GRK5: variants seen among roughly 807,000 people sequenced by gnomAD.
The protein encoded by GRK5 is g protein-coupled receptor kinase GRK5.
In GRK5, 40 loss-of-function variants were observed where a neutral mutation model predicts 78.4. The ratio of observed to expected loss-of-function variants is 0.51; its 90% confidence interval spans 0.40 to 0.66. The LOEUF (loss-of-function observed/expected upper bound fraction) is 0.66. GRK5 is among the 30% of genes least tolerant of loss of function. GRK5 has a pLI of 0.00. For missense variants in GRK5, 598 were observed against 759.9 expected, an observed-to-expected ratio of 0.79 and a Z score of 2.50; for synonymous variants, 289 against 296.8, an observed-to-expected ratio of 0.97 and a Z score of 0.27.
intron 1 of GRK5, among the ~76,000 whole-genome samples, chr10:119,214,214 A>T (rs1016402333): frequency 1.3e-5 from 2 of 152,192 alleles, no homozygotes; most frequent in African/African-American, 4.8e-5. Flanking sequence ...GCCTCAGGTG[A>T]TCTGCCTGCC....
Position 119,394,688 on chromosome 10 carries a change from G to GGT in GRK5, c.262-1999_262-1998dup, listed in dbSNP as rs151200405. ...CTGTGTCTGTGGGCACGTGTGTGTG[G>GGT]GTGTGTGTGGGTGTGTATCTGTGTG... is the stretch of plus-strand genomic sequence containing the variant. On this transcript the variant is annotated intron_variant, in intron 3 of 15. Transcript: ENST00000392870. 5.1e-3 allele frequency among the ~76,000 whole-genome samples: 21 copies of GGT among 4,128 alleles called. 4 individuals carry two copies. The highest frequency in any genetic ancestry group is 0.018 in the South Asian group (2 of 110). The allele number at this position is 4,128 out of a possible 152,430, so 2.7% of individuals were successfully genotyped here.
At chr10:119,373,665 G>A (rs896875195) in intron 2 of GRK5, among the ~76,000 whole-genome samples, 10 of 152,124 alleles carry the variant, frequency 6.6e-5, no homozygotes, top group African/African-American at 2.4e-4. Flanking sequence ...GGGGTGGGGG[G>A]AATGAGAATC....
chr10:119,400,713 T>A (rs932201241), intron 4 of GRK5, among the ~76,000 whole-genome samples: 2 of 152,032 alleles, frequency 1.3e-5, no homozygotes, highest in African/African-American at 4.8e-5. Context: ...GCCACTTGTA[T>A]TTTAGGACGA....
intron 15 of GRK5, 136 bp from the exon 16 acceptor site, chr10:119,454,833 C>CT: frequency 1.6e-6 from 1 of 627,836 alleles, no homozygotes; most frequent in African/African-American, 1.8e-5. Flanking sequence ...GCCCTTGTAC[C>CT]TGGCTCTGAG....
intron 1 of GRK5, among the ~76,000 whole-genome samples, chr10:119,283,593 A>G (rs969981499): frequency 3.9e-5 from 6 of 152,216 alleles, no homozygotes. Flanking sequence ...GCAAAAATGC[A>G]AGTACCCTTG....
chr10:119,348,415 G>A (rs998244352), intron 2 of GRK5, among the ~76,000 whole-genome samples: 8 of 152,198 alleles, frequency 5.3e-5, no homozygotes, highest in Non-Finnish European at 7.3e-5. Context: ...AAGTCAGTGC[G>A]TTAGAAACGA....
At chr10:119,224,686 T>G (rs1489460501) in intron 1 of GRK5, among the ~76,000 whole-genome samples, 1 of 152,208 alleles carries the variant, frequency 6.6e-6, no homozygotes, top group Non-Finnish European at 1.5e-5. Context: ...AGTGCTAGGA[T>G]TACAGGCGTG....
At chr10:119,273,194 T>C (rs1256767823) in intron 1 of GRK5, among the ~76,000 whole-genome samples, 2 of 152,298 alleles carry the variant, frequency 1.3e-5, no homozygotes, top group African/African-American at 4.8e-5. Context: ...GAATGTGGAT[T>C]TCCAGAAGGT....
chr10:119,354,705 T>G (rs938552212), intron 2 of GRK5, among the ~76,000 whole-genome samples: 1 of 152,184 alleles, frequency 6.6e-6, no homozygotes, highest in South Asian at 2.1e-4. Flanking sequence ...CTCCTCCATT[T>G]TTAAGGCTGA....
At chr10:119,352,509 G>A (rs1054176395) in intron 2 of GRK5, among the ~76,000 whole-genome samples, 1 of 152,178 alleles carries the variant, frequency 6.6e-6, no homozygotes, top group Non-Finnish European at 1.5e-5. Flanking sequence ...ACAGCAGATC[G>A]AACTGCTTCT....
Position 119,439,748 on chromosome 10 carries a change from A to G in GRK5, c.947A>G (p.Asn316Ser), listed in dbSNP as rs374620668. ...CCTTTCAGAGATCTGAAACCTGAAA[A>G]CATCCTGTTAGATGATTATGGTAAG... ...NTVYRDLKPENILLDDYGHIR... is the reference protein window; with the variant it reads ...NTVYRDLKPESILLDDYGHIR... Residue 316 changes from asparagine (N) to serine (S), a missense_variant, in exon 10 of 16, where the codon AAC becomes AGC. Asn to Ser is a conservative substitution (Grantham distance 46). Coordinates refer to ENST00000392870, the MANE Select transcript of GRK5 (RefSeq NM_005308.3). 1 of 1,613,912 alleles carries G rather than the reference A, an allele frequency of 6.2e-7. No individual in the cohort carries two copies. The highest frequency in any genetic ancestry group is 8.5e-7 in the Non-Finnish European group (1 of 1,179,992).
rs1337389174 is a variant in GRK5, at chr10:119,238,894, GA to G, written c.52+30928del. ...ATAAAGTTGATGGTTACTCTACCAT[GA>G]AAGAGCAGAAAAAGCTGAGCAGAAA... On this transcript the variant is annotated intron_variant, in intron 1 of 15. Coordinates refer to ENST00000392870, the MANE Select transcript of GRK5 (RefSeq NM_005308.3). This position sits in a 1 kb window ranked among gnomAD's most constrained non-coding sequence, Gnocchi z 4.7. Among the ~76,000 whole-genome samples the G allele has an allele frequency of 2.0e-5, 3 of 152,136 alleles. No individual in the cohort carries two copies. Among genetic ancestry groups the G allele is most frequent in the African/African-American group, 7.2e-5 (3 of 41,426 alleles).
At chr10:119,290,364 C>CAAAACAAAAA (rs1181428822) in intron 1 of GRK5, among the ~76,000 whole-genome samples, 4 of 115,334 alleles carry the variant, frequency 3.5e-5, no homozygotes, top group African/African-American at 1.4e-4. Flanking sequence ...AAAAAAAAAA[C>CAAAACAAAAA]AAAAAACAAC....
chr10:119,255,662 G>A (rs1227869469), intron 1 of GRK5, among the ~76,000 whole-genome samples: 1 of 152,244 alleles, frequency 6.6e-6, no homozygotes, highest in East Asian at 1.9e-4. Flanking sequence ...CAGAGCCTCT[G>A]GCCGTTCCCG....
intron 1 of GRK5, among the ~76,000 whole-genome samples, chr10:119,318,101 A>T (rs2133751349): frequency 6.6e-6 from 1 of 152,072 alleles, no homozygotes; most frequent in South Asian, 2.1e-4. Flanking sequence ...GCTCCTTCCA[A>T]CAAATGCATG....
intron 3 of GRK5, among the ~76,000 whole-genome samples, chr10:119,384,579 C>G (rs191279226): frequency 6.6e-6 from 1 of 152,228 alleles, no homozygotes; most frequent in Admixed American, 6.5e-5. Context: ...CTCAGTGAAC[C>G]TAGCCATTGA....
chr10:119,286,164 C>T (rs191105721), intron 1 of GRK5, among the ~76,000 whole-genome samples: 3 of 150,672 alleles, frequency 2.0e-5, no homozygotes, highest in East Asian at 1.9e-4. Flanking sequence ...CATTATGAAG[C>T]GTTTCAAATG....
chr10:119,344,327 C>T (rs555567864), intron 2 of GRK5, among the ~76,000 whole-genome samples: 44 of 152,210 alleles, frequency 2.9e-4, no homozygotes, highest in South Asian at 6.2e-4. Context: ...TATCCCTCCC[C>T]GCTTCCCCCA....
intron 1 of GRK5, among the ~76,000 whole-genome samples, chr10:119,308,589 T>G (rs1012655216): frequency 6.6e-6 from 1 of 152,216 alleles, no homozygotes; most frequent in African/African-American, 2.4e-5. Context: ...AGGAGGCGTG[T>G]GTTTTTCTTC....
Sources: gnomAD v4.1 joint callset for allele counts (sites outside exome capture counted in the v4.1 genomes callset) on GRCh38, gnomAD v4.1.1 for gene constraint, Gnocchi (gnomAD v3.1) non-coding constraint, MANE v1.5 for transcripts, NCBI Gene and HGNC (gene_info 2026-07-23, HGNC 2026-07-21) for gene names.